Variants in TSPO observed in about 807,000 individuals in gnomAD.
TSPO encodes benzodiazepine peripheral binding site.
TSPO carries 14 observed loss-of-function variants against 13.9 expected under a neutral mutation model. That is an observed-to-expected ratio of 1.01 (90% CI 0.67 to 1.58). The LOEUF (loss-of-function observed/expected upper bound fraction) is 1.58, where lower values mean the gene tolerates loss of function less well. Among genes scored for constraint, TSPO ranks in the 40% most tolerant of loss-of-function variants. The pLI is 0.00. For missense variants in TSPO, 232 were observed against 229.6 expected (o/e 1.01, Z -0.07); for synonymous variants, 114 against 105.9 (o/e 1.08, Z -0.47).
In TSPO at chr22:43,153,003, T is replaced by C. The variant is rs560518129; in HGVS notation, c.-30+1399T>C. ...TTTTCACTTTAGCTTGCTTTCTTCCTTTCTTCCGTCCTTCCTTCCTCCCTC... is the reference window on the plus strand; with the variant it reads ...TTTTCACTTTAGCTTGCTTTCTTCCCTTCTTCCGTCCTTCCTTCCTCCCTC... On this transcript the variant is annotated intron_variant, in intron 1 of 3. Transcript: ENST00000337554. Among the ~76,000 whole-genome samples, 26 of 151,200 alleles carry C rather than the reference T, an allele frequency of 1.7e-4. 1 individual carries two copies. The highest frequency in any genetic ancestry group is 6.8e-3 in the Middle Eastern group (2 of 294).
At chr22:43,162,779 TC>T in intron 3 of TSPO, 23 bp from the exon 4 acceptor site, 1 of 1,527,140 alleles carries the variant, frequency 6.5e-7, no homozygotes. Flanking sequence ...GGCCTCCCCA[TC>T]CTCCGTCCCC....
chr22:43,160,633 C>T (rs1033359272), intron 2 of TSPO, among the ~76,000 whole-genome samples: 2 of 152,186 alleles, frequency 1.3e-5, no homozygotes, highest in African/African-American at 4.8e-5. Context: ...CTCAGGGTCT[C>T]ACATCTGCCT....
At chr22:43,160,998 C>A in intron 2 of TSPO, 54 bp from the exon 3 acceptor site, 2 of 1,564,778 alleles carry the variant, frequency 1.3e-6, no homozygotes, top group South Asian at 1.2e-5. Context: ...CGGAGGTGGG[C>A]AACGCTCCTG....
At chr22:43,159,743 C>G (rs1931374915) in intron 2 of TSPO, 2 of 290,310 alleles carry the variant, frequency 6.9e-6, no homozygotes, top group East Asian at 1.1e-4. Flanking sequence ...ACGGCAGCAA[C>G]AGCCCCAAGA....
intron 2 of TSPO, among the ~76,000 whole-genome samples, chr22:43,160,282 T>C (rs944184683): frequency 2.0e-5 from 3 of 152,154 alleles, no homozygotes; most frequent in Admixed American, 6.5e-5. Context: ...GGGGAAATTT[T>C]GGGGCTCCCT....
chr22:43,162,666 C>A, intron 3 of TSPO, 137 bp from the exon 4 acceptor site: 1 of 850,854 alleles, frequency 1.2e-6, no homozygotes, highest in Non-Finnish European at 1.8e-6. Flanking sequence ...AGGGGCTTGG[C>A]CAGGTCACTC....
At position 43,161,043 on chromosome 22, in the gene TSPO, C is replaced by G. The variant is rs1185408427; in HGVS notation, c.183-9C>G. 6.2e-7 allele frequency: 1 copy of G among 1,610,506 alleles called. No individual in the cohort carries two copies. Among genetic ancestry groups the G allele is most frequent in the East Asian group, 2.2e-5 (1 of 44,846 alleles). On this transcript the variant is annotated splice_polypyrimidine_tract_variant and intron_variant, in intron 2 of 3. Coordinates refer to ENST00000337554, the MANE Select transcript of TSPO (RefSeq NM_000714.6). ...CTAATGGTGCTCTGAACTGCGGCCT[C>G]TGTTTCAGGTACGGCTCCTACCTGG...
intron 1 of TSPO, among the ~76,000 whole-genome samples, chr22:43,155,442 T>TG (rs1440092922): frequency 1.3e-5 from 2 of 152,202 alleles, no homozygotes; most frequent in Non-Finnish European, 2.9e-5. Flanking sequence ...GCCCCTGTTT[T>TG]GGGGGCGCTG....
intron 3 of TSPO, among the ~76,000 whole-genome samples, chr22:43,162,505 A>G (rs1931474471): frequency 6.6e-6 from 1 of 152,072 alleles, no homozygotes; most frequent in African/African-American, 2.4e-5. Context: ...CAGAGAGGGG[A>G]AGGGACGTGC....
chr22:43,154,437 C>A (rs1931188671), intron 1 of TSPO, among the ~76,000 whole-genome samples: 1 of 152,076 alleles, frequency 6.6e-6, no homozygotes, highest in Non-Finnish European at 1.5e-5. Context: ...TGGCTCACTG[C>A]AACCTCCTCC....
intron 1 of TSPO, among the ~76,000 whole-genome samples, chr22:43,158,006 T>G (rs1383626838): frequency 6.6e-6 from 1 of 152,204 alleles, no homozygotes; most frequent in African/African-American, 2.4e-5. Flanking sequence ...CCCTGGCTGC[T>G]GGGCACTGAG....
intron 1 of TSPO, among the ~76,000 whole-genome samples, chr22:43,153,099 T>TCCTCCCTC (rs1170926340): frequency 3.4e-5 from 2 of 58,950 alleles, no homozygotes; most frequent in Non-Finnish European, 3.0e-5. Flanking sequence ...CTTCCTTCCT[T>TCCTCCCTC]CTTTCCTTTC....
In TSPO at chr22:43,163,104, C is replaced by A; in HGVS notation, c.*113C>A. ...GCCTGCTAGTCTGTCAGGGCCTTGG[C>A]CCAGGGGTCAGCAGAGCTTCAGAGG... On this transcript the variant is annotated 3_prime_UTR_variant, in exon 4 of 4. Transcript: ENST00000337554. 1 of 1,515,036 alleles carries A rather than the reference C, an allele frequency of 6.6e-7. No homozygotes were observed. The highest frequency in any genetic ancestry group is 8.8e-7 in the Non-Finnish European group (1 of 1,130,662). 93.8% of individuals were successfully genotyped at this position (1,515,036 alleles called of 1,614,324 possible). A position where few individuals can be genotyped will look rare whatever the true frequency, so the allele number is the denominator to read the frequency against.
Position 43,161,080 on chromosome 22 carries a change from C to G in TSPO, c.211C>G (p.Leu71Val). 1 of 1,614,100 alleles carries G rather than the reference C, an allele frequency of 6.2e-7. No individual in the cohort carries two copies. Residue 71 changes from leucine to valine, a missense_variant, in exon 3 of 4, where the codon CTG becomes GTG. Physicochemically the swap from Leu to Val is conservative, Grantham distance 32. Coordinates refer to ENST00000337554, the MANE Select transcript of TSPO (RefSeq NM_000714.6). ...CGGCTCCTACCTGGTCTGGAAAGAGCTGGGAGGCTTCACAGAGAAGGCTGT... is the reference window on the plus strand; with the variant it reads ...CGGCTCCTACCTGGTCTGGAAAGAGGTGGGAGGCTTCACAGAGAAGGCTGT... ...GYGSYLVWKELGGFTEKAVVP... is the reference protein window; with the variant it reads ...GYGSYLVWKEVGGFTEKAVVP...
At chr22:43,161,853 G>A (rs2157248) in intron 3 of TSPO, among the ~76,000 whole-genome samples, 58,868 of 151,882 alleles carry the variant, frequency 0.39, 13,118 homozygotes, top group East Asian at 0.89. Context: ...AAGACTCGCT[G>A]TGTTGCCCAG....
intron 1 of TSPO, 69 bp downstream of exon 1, chr22:43,151,673 C>G: frequency 6.6e-6 from 1 of 152,298 alleles, no homozygotes; most frequent in East Asian, 1.9e-4. Flanking sequence ...CTCTTGGCAG[C>G]GCCGCGGGAC....
At chr22:43,161,018 C>CT in intron 2 of TSPO, 34 bp from the exon 3 acceptor site, 1 of 1,597,210 alleles carries the variant, frequency 6.3e-7, no homozygotes, top group Non-Finnish European at 8.5e-7. Flanking sequence ...GGCCTTGTTC[C>CT]TAATGGTGCT....
rs536354933 is a variant in TSPO at position 43,161,037 on chromosome 22, C to T, written c.183-15C>T. On this transcript the variant is annotated splice_polypyrimidine_tract_variant and intron_variant, in intron 2 of 3. Transcript: ENST00000337554. The stretch of plus-strand genomic sequence containing the variant: ...TTGTTCCTAATGGTGCTCTGAACTG[C>T]GGCCTCTGTTTCAGGTACGGCTCCT... 21 of 1,608,990 alleles carry T rather than the reference C, an allele frequency of 1.3e-5. No individual in the cohort carries two copies. Among genetic ancestry groups the T allele is most frequent in the East Asian group, 2.2e-5 (1 of 44,824 alleles).
At chr22:43,161,730 G>T (rs1931447236) in intron 3 of TSPO, among the ~76,000 whole-genome samples, 1 of 152,048 alleles carries the variant, frequency 6.6e-6, no homozygotes. Context: ...TTGAACTCCT[G>T]ACCTCAGGTG....
Sources: gnomAD v4.1 joint callset for allele counts (sites outside exome capture counted in the v4.1 genomes callset) on GRCh38, gnomAD v4.1.1 for gene constraint, MANE v1.5 for transcripts, NCBI Gene and HGNC (gene_info 2026-07-23, HGNC 2026-07-21) for gene names.